ADARB2: variants seen among roughly 807,000 people sequenced by gnomAD.
ADARB2 encodes inactive double-stranded RNA-specific editase B2.
ADARB2 carries 25 observed loss-of-function variants against 62.2 expected under a neutral mutation model. That is an observed-to-expected ratio of 0.40 (90% CI 0.29 to 0.56). The LOEUF is 0.56. Ranked by LOEUF, ADARB2 falls within the 20% of genes least tolerant of loss-of-function variation. The pLI is 0.43. For synonymous variants in ADARB2, 572 were observed against 500.8 expected (o/e 1.14, Z -1.90); for missense variants, 1,071 against 1,077.4 (o/e 0.99, Z 0.08).
intron 1 of ADARB2, among the ~76,000 whole-genome samples, chr10:1,645,403 G>T (rs1834027130): frequency 6.6e-6 from 1 of 152,176 alleles, no homozygotes; most frequent in African/African-American, 2.4e-5. Context: ...CACAGCTATG[G>T]AACTCCCACT....
At chr10:1,717,353 C>A (rs11250759) in intron 1 of ADARB2, among the ~76,000 whole-genome samples, 15,034 of 151,136 alleles carry the variant, frequency 0.099, 1,272 homozygotes, top group African/African-American at 0.22. Flanking sequence ...GTGTCAGTGA[C>A]AAGTCCATCC....
At chr10:1,678,235 T>C in intron 1 of ADARB2, 1 of 985,172 alleles carries the variant, frequency 1.0e-6, no homozygotes, top group Non-Finnish European at 1.2e-6. Context: ...GACCTCAGGG[T>C]GAGTGTCCTC....
intron 1 of ADARB2, among the ~76,000 whole-genome samples, chr10:1,720,423 A>G (rs188427982): frequency 6.6e-6 from 1 of 152,104 alleles, no homozygotes; most frequent in South Asian, 2.1e-4. Flanking sequence ...TACTATGCTC[A>G]CTCCCTGGCT....
chr10:1,655,267 G>C (rs1174470334), intron 1 of ADARB2, among the ~76,000 whole-genome samples: 1 of 152,208 alleles, frequency 6.6e-6, no homozygotes, highest in Non-Finnish European at 1.5e-5. Flanking sequence ...TGATAATTAA[G>C]CCAAGCTCCA....
intron 3 of ADARB2, among the ~76,000 whole-genome samples, chr10:1,356,764 C>T (rs957870764): frequency 2.0e-5 from 3 of 152,192 alleles, no homozygotes; most frequent in Non-Finnish European, 4.4e-5. Flanking sequence ...AAAGCAACAA[C>T]AACACACTCA....
intron 1 of ADARB2, among the ~76,000 whole-genome samples, chr10:1,488,849 G>GT (rs1235122443): frequency 2.0e-5 from 3 of 152,188 alleles, no homozygotes; most frequent in Non-Finnish European, 4.4e-5. Context: ...CGTCTGACAG[G>GT]TTTTAGAAGG....
intron 1 of ADARB2, among the ~76,000 whole-genome samples, chr10:1,401,846 C>T (rs1217683406): frequency 6.6e-6 from 1 of 152,172 alleles, no homozygotes; most frequent in African/African-American, 2.4e-5. Context: ...TTCTGCCAAA[C>T]ACAAACAGGT....
chr10:1,386,138 T>C (rs562903906), intron 1 of ADARB2, among the ~76,000 whole-genome samples: 1 of 152,146 alleles, frequency 6.6e-6, no homozygotes, highest in South Asian at 2.1e-4. Context: ...ACATGCATGC[T>C]TTAATCTCTA....
At chr10:1,536,496 G>A (rs10903472) in intron 1 of ADARB2, among the ~76,000 whole-genome samples, 56,380 of 152,142 alleles carry the variant, frequency 0.37, 10,899 homozygotes, top group East Asian at 0.74. Flanking sequence ...CATCAGCAAC[G>A]GACTGGGAAG....
At chr10:1,313,781 C>T (rs757469955) in intron 3 of ADARB2, among the ~76,000 whole-genome samples, 2 of 152,228 alleles carry the variant, frequency 1.3e-5, no homozygotes, top group Non-Finnish European at 1.5e-5. Flanking sequence ...TTCCATTGTG[C>T]AGAGGTTTCA....
At chr10:1,300,683 G>A (rs568971449) in intron 3 of ADARB2, among the ~76,000 whole-genome samples, 2 of 152,308 alleles carry the variant, frequency 1.3e-5, no homozygotes, top group South Asian at 4.2e-4. Flanking sequence ...TAGATGCTCA[G>A]TAAATATTCA....
intron 7 of ADARB2, among the ~76,000 whole-genome samples, chr10:1,206,923 G>A (rs1000079138): frequency 3.3e-4 from 51 of 152,372 alleles, no homozygotes; most frequent in African/African-American, 1.1e-3. Context: ...AGCTGTGGCC[G>A]AGGTCGGTGG....
At chr10:1,597,264 G>A (rs562767780) in intron 1 of ADARB2, among the ~76,000 whole-genome samples, 2 of 152,230 alleles carry the variant, frequency 1.3e-5, no homozygotes, top group East Asian at 3.9e-4. Flanking sequence ...TAGCAAAAAT[G>A]AAGCAGATAT....
In ADARB2 at chr10:1,334,184, C is replaced by T. The variant is rs145876414; in HGVS notation, c.1077+28844G>A. ...GGTACGGCGGGAAACATGGAAGAAG[C>T]GGCGGGGTGGCCTAGGTGAGTGTTT... On this transcript the variant is annotated intron_variant, in intron 3 of 9. Coordinates refer to ENST00000381312, the MANE Select transcript of ADARB2 (RefSeq NM_018702.4). Among the ~76,000 whole-genome samples the T allele has an allele frequency of 1.6e-3, 249 of 152,242 alleles. 2 individuals carry two copies. In the East Asian group the frequency reaches 0.028, roughly 17 times the overall value.
intron 3 of ADARB2, among the ~76,000 whole-genome samples, chr10:1,327,809 C>G (rs576423098): frequency 0.012 from 1,758 of 144,522 alleles, 340 homozygotes; most frequent in African/African-American, 0.042. Context: ...CCTCACAGTT[C>G]AGCATCTCCT....
At chr10:1,327,660 C>T (rs1384065641) in intron 3 of ADARB2, among the ~76,000 whole-genome samples, 3 of 115,740 alleles carry the variant, frequency 2.6e-5, no homozygotes, top group East Asian at 2.3e-4. Context: ...CCAGCGCCTC[C>T]GCACTGCACA....
intron 8 of ADARB2, among the ~76,000 whole-genome samples, chr10:1,196,151 A>G (rs866500825): frequency 6.7e-6 from 1 of 148,848 alleles, no homozygotes; most frequent in Middle Eastern, 3.5e-3. Context: ...CCACACTGAG[A>G]GTGCTCCTGA....
chr10:1,276,998 G>T (rs1231663762), intron 3 of ADARB2, among the ~76,000 whole-genome samples: 2 of 152,188 alleles, frequency 1.3e-5, no homozygotes, highest in Non-Finnish European at 2.9e-5. Flanking sequence ...ACCTGCTCCT[G>T]AATGACTACT....
At chr10:1,424,413 C>T (rs563270348) in intron 1 of ADARB2, among the ~76,000 whole-genome samples, 126 of 152,246 alleles carry the variant, frequency 8.3e-4, no homozygotes, top group African/African-American at 2.7e-3. Flanking sequence ...AAAAACCACG[C>T]GAGATGGCAT....
Sources: gnomAD v4.1 joint callset for allele counts (sites outside exome capture counted in the v4.1 genomes callset) on GRCh38, gnomAD v4.1.1 for gene constraint, MANE v1.5 for transcripts, NCBI Gene and HGNC (gene_info 2026-07-23, HGNC 2026-07-21) for gene names.